Variants in RASIP1 observed in about 807,000 individuals in gnomAD.
The protein encoded by RASIP1 is Ras interacting protein 1.
RASIP1 carries 20 observed loss-of-function variants against 85.3 expected under a neutral mutation model. The observed-to-expected ratio is 0.23, with a 90% CI of 0.17 to 0.34. RASIP1 has a LOEUF of 0.34. Ranked by LOEUF, RASIP1 falls within the 10% of genes least tolerant of loss-of-function variation. The probability of loss-of-function intolerance (pLI) is 1.00; values close to 1 mark genes in which losing one functional copy is unlikely to be tolerated. For synonymous variants in RASIP1, 617 were observed against 647.1 expected (o/e 0.95, Z 0.71); for missense variants, 1,170 against 1,390.9 (o/e 0.84, Z 2.53).
At chr19:48,722,085 G>C (rs1462620967) in intron 10 of RASIP1, 84 bp from the exon 11 acceptor site, 1 of 1,281,382 alleles carries the variant, frequency 7.8e-7, no homozygotes, top group Non-Finnish European at 1.0e-6. Flanking sequence ...AAGGGGAGTG[G>C]GTGTGGTGGG....
At position 48,720,660 on chromosome 19, in the gene RASIP1, A is replaced by G. The variant is rs1459576025; in HGVS notation, c.*138T>C. On this transcript the variant is annotated 3_prime_UTR_variant, in exon 12 of 12. Coordinates refer to ENST00000222145, the MANE Select transcript of RASIP1 (RefSeq NM_017805.3). ...CCATGCTCCCACCGTCCCATCCGCTACTTCCCGAAAACTCAATCTCCCAAC... is the reference window on the plus strand; with the variant it reads ...CCATGCTCCCACCGTCCCATCCGCTGCTTCCCGAAAACTCAATCTCCCAAC... 7.5e-6 allele frequency: 7 copies of G among 938,966 alleles called. No individual in the cohort carries two copies. The highest frequency in any genetic ancestry group is 1.0e-5 in the Non-Finnish European group (6 of 600,760). The allele number at this position is 938,966 out of a possible 1,614,324, so 58.2% of individuals were successfully genotyped here. A position where few individuals can be genotyped will look rare whatever the true frequency, so the allele number is the denominator to read the frequency against.
chr19:48,740,402 C>G lies in RASIP1; in HGVS notation c.-4-116G>C. On this transcript the variant is annotated intron_variant, in intron 1 of 11. Coordinates refer to ENST00000222145, the MANE Select transcript of RASIP1 (RefSeq NM_017805.3). The surrounding 1 kb of genome is among the most constrained non-coding windows in gnomAD (Gnocchi z 5.5). ...GGGCTGGGGCTCAGACTTGCGAGTC[C>G]AGGGGGAGGAGAGGGATGGTACCCT... 7.0e-7 allele frequency: 1 copy of G among 1,429,732 alleles called. No individual in the cohort carries two copies. The highest frequency in any genetic ancestry group is 1.4e-5 in the South Asian group (1 of 72,972). 88.6% of individuals were successfully genotyped at this position (1,429,732 alleles called of 1,614,324 possible). A position where few individuals can be genotyped will look rare whatever the true frequency, so the allele number is the denominator to read the frequency against.
intron 8 of RASIP1, chr19:48,725,584 G>C (rs2033328760): frequency 6.6e-6 from 1 of 152,396 alleles, no homozygotes; most frequent in African/African-American, 2.4e-5. Flanking sequence ...AGGGTAATGG[G>C]GGGGAAACTG....
chr19:48,724,482 G>T lies in RASIP1; in HGVS notation c.2399C>A (p.Ser800Tyr). The stretch of plus-strand genomic sequence containing the variant: ...GTTGGTTCGGATTTGAACAGCTCGG[G>T]ACCATTGATAGAAAGGCCGGCCTTG... ...RGQGRPFYQW[S>Y]RAVQIRTNLD... Residue 800 changes from serine (S) to tyrosine (Y), a missense_variant, in exon 10 of 12, where the codon TCC (serine) becomes TAC (tyrosine). Around this residue, in one of 4 missense-constraint regions of RASIP1, gnomAD observed 426 missense variants for 576.2 expected, o/e 0.74. Coordinates refer to ENST00000222145, the MANE Select transcript of RASIP1 (RefSeq NM_017805.3). The surrounding 1 kb of genome is among the most constrained non-coding windows in gnomAD (Gnocchi z 4.6). The T allele has an allele frequency of 1.9e-6, 3 of 1,614,126 alleles. No individual in the cohort carries two copies. The highest frequency in any genetic ancestry group is 1.7e-6 in the Non-Finnish European group (2 of 1,180,008).
chr19:48,735,299 C>A lies in RASIP1; in HGVS notation c.1076G>T (p.Gly359Val). The A allele has an allele frequency of 1.9e-6, 3 of 1,614,002 alleles. No homozygotes were observed. Among genetic ancestry groups the A allele is most frequent in the Non-Finnish European group, 1.7e-6 (2 of 1,179,988 alleles). The change falls in exon 4 of 12, where the codon GGA (glycine) becomes GTA (valine). Residue 359 changes from glycine (G) to valine (V), a missense_variant. Physicochemically the swap from Gly to Val is moderately radical, Grantham distance 109 (BLOSUM62 -3). Around this residue, in one of 4 missense-constraint regions of RASIP1, gnomAD observed 301 missense variants for 294.8 expected, o/e 1.02. Transcript: ENST00000222145. Reference protein sequence around the residue: ...MAPGAADAQIGTADPGDFDQL... With the variant: ...MAPGAADAQIVTADPGDFDQL... ...ATCGAAGTCCCCGGGGTCTGCAGTT[C>A]CGATTTGGGCGTCGGCTGCCCCTGG... is the stretch of plus-strand genomic sequence containing the variant.
intron 11 of RASIP1, among the ~76,000 whole-genome samples, chr19:48,721,598 C>T (rs1255097249): frequency 6.6e-6 from 1 of 152,028 alleles, no homozygotes; most frequent in Non-Finnish European, 1.5e-5. Context: ...GTCAGGAGTT[C>T]GAGACCAGCC....
rs2033610648 is a variant in RASIP1, at chr19:48,738,510, C to T, written c.823+450G>A. 6.5e-6 allele frequency: 1 copy of T among 154,574 alleles called. No homozygotes were observed. Among genetic ancestry groups the T allele is most frequent in the South Asian group, 2.1e-4 (1 of 4,860 alleles). 9.6% of individuals were successfully genotyped at this position (154,574 alleles called of 1,614,324 possible). The stretch of plus-strand genomic sequence containing the variant: ...CCACACAGGGCGAATCCCTTAGGCC[C>T]CTGCGGACTCCTGCCCATTCCACTG... On this transcript the variant is annotated intron_variant, in intron 3 of 11. Coordinates refer to ENST00000222145, the MANE Select transcript of RASIP1 (RefSeq NM_017805.3). The surrounding 1 kb of genome is among the most constrained non-coding windows in gnomAD (Gnocchi z 4.0).
At chr19:48,737,262 G>A (rs2033590081) in intron 3 of RASIP1, among the ~76,000 whole-genome samples, 1 of 152,158 alleles carries the variant, frequency 6.6e-6, no homozygotes, top group Admixed American at 6.5e-5. Context: ...AACTGGCACA[G>A]AATGGGTTGG....
intron 8 of RASIP1, among the ~76,000 whole-genome samples, chr19:48,726,155 G>A (rs1263912102): frequency 6.6e-6 from 1 of 152,184 alleles, no homozygotes; most frequent in Non-Finnish European, 1.5e-5. Flanking sequence ...TCAAACTCCT[G>A]ACCTCGCGGT....
At chr19:48,734,766 C>A (rs928073946) in intron 4 of RASIP1, among the ~76,000 whole-genome samples, 1 of 152,088 alleles carries the variant, frequency 6.6e-6, no homozygotes, top group Non-Finnish European at 1.5e-5. Flanking sequence ...GGATAACAGG[C>A]GTGAGCCACT....
rs1275092364 is a variant in RASIP1 at position 48,735,512 on chromosome 19, G to A, written c.863C>T (p.Ser288Phe). 2 of 1,549,170 alleles carry A rather than the reference G, an allele frequency of 1.3e-6. No individual in the cohort carries two copies. The highest frequency in any genetic ancestry group is 1.4e-5 in the African/African-American group (1 of 73,126). Residue 288 changes from serine (S) to phenylalanine (F), a missense_variant, in exon 4 of 12, where the codon TCC becomes TTC. Around this residue, in one of 4 missense-constraint regions of RASIP1, gnomAD observed 301 missense variants for 294.8 expected, o/e 1.02. Coordinates refer to ENST00000222145, the MANE Select transcript of RASIP1 (RefSeq NM_017805.3). ...APSWRPQKNR[S>F]RAASGGAALA... is the part of the protein sequence containing the mutation. Reference sequence around the variant, plus strand: ...CGCTGCCCCACCCGACGCCGCCCGGGAGCGGTTCTTCTGTGGCCGCCACGA... The same window carrying A: ...CGCTGCCCCACCCGACGCCGCCCGGAAGCGGTTCTTCTGTGGCCGCCACGA...
Position 48,738,196 on chromosome 19 carries a change from C to T in RASIP1, c.823+764G>A, listed in dbSNP as rs535421588. Among the ~76,000 whole-genome samples, 1 of 152,358 alleles carries T rather than the reference C, an allele frequency of 6.6e-6. No individual in the cohort carries two copies. Among genetic ancestry groups the T allele is most frequent in the African/African-American group, 2.4e-5 (1 of 41,588 alleles). On this transcript the variant is annotated intron_variant, in intron 3 of 11. Transcript: ENST00000222145. This position sits in a 1 kb window ranked among gnomAD's most constrained non-coding sequence, Gnocchi z 4.0. ...CCAACCTCAGGTGATCCGCCCGCCTCAGCCTCTCAAAGTGCTGGGATTACA... is the reference window on the plus strand; with the variant it reads ...CCAACCTCAGGTGATCCGCCCGCCTTAGCCTCTCAAAGTGCTGGGATTACA...
chr19:48,739,218 G>A lies in RASIP1; in HGVS notation c.565C>T (p.Pro189Ser). 6.7e-7 allele frequency: 1 copy of A among 1,481,756 alleles called. No homozygotes were observed. Among genetic ancestry groups the A allele is most frequent in the Non-Finnish European group, 8.9e-7 (1 of 1,123,218 alleles). 91.8% of individuals were successfully genotyped at this position (1,481,756 alleles called of 1,614,324 possible). The change falls in exon 3 of 12, where the codon CCC becomes TCC. Residue 189 changes from proline to serine, a missense_variant. Pro to Ser is a moderately conservative substitution (Grantham distance 74). Transcript: ENST00000222145. This position sits in a 1 kb window ranked among gnomAD's most constrained non-coding sequence, Gnocchi z 9.2. ...ALERYGLAGS[P>S]GGGPGESSCV... Reference sequence around the variant, plus strand: ...CTGCTCTCGCCGGGGCCACCGCCGGGGCTGCCTGCTAGGCCGTAGCGCTCT... The same window carrying A: ...CTGCTCTCGCCGGGGCCACCGCCGGAGCTGCCTGCTAGGCCGTAGCGCTCT...
rs2033211590 is a variant in RASIP1 at position 48,720,745 on chromosome 19, T to C, written c.*53A>G. 3.8e-6 allele frequency: 6 copies of C among 1,568,016 alleles called. No homozygotes were observed. In the African/African-American group the frequency reaches 6.8e-5, roughly 18 times the overall value. Reference sequence around the variant, plus strand: ...AGCTTTGCGCTCAGGCGGGCTCCTGTCCGTAGAAGCCCGTGACATTTCAAG... The same window carrying C: ...AGCTTTGCGCTCAGGCGGGCTCCTGCCCGTAGAAGCCCGTGACATTTCAAG... On this transcript the variant is annotated 3_prime_UTR_variant, in exon 12 of 12. Transcript: ENST00000222145.
chr19:48,726,656 T>A (rs2033347858), intron 8 of RASIP1, 129 bp downstream of exon 8: 2 of 743,578 alleles, frequency 2.7e-6, no homozygotes, highest in Admixed American at 6.6e-5. Flanking sequence ...AAATCTTGAG[T>A]CAAATAGTGA....
rs2033397327 is a variant in RASIP1 at position 48,729,088 on chromosome 19, C to T, written c.1682G>A (p.Arg561His). Residue 561 changes from arginine to histidine, a missense_variant, in exon 5 of 12, where the codon CGC (arginine) becomes CAC (histidine). Coordinates refer to ENST00000222145, the MANE Select transcript of RASIP1 (RefSeq NM_017805.3). The stretch of plus-strand genomic sequence containing the variant: ...GTCTCCCGAGCCGGCGGCTGCGGCG[C>T]GCACGATCTCGCCCAGCAGCGCCTC... Reference protein sequence around the residue: ...EEEALLGEIVRAAAAGSGDLP... With the variant: ...EEEALLGEIVHAAAAGSGDLP... The T allele has an allele frequency of 7.3e-7, 1 of 1,374,716 alleles. No individual in the cohort carries two copies. Among genetic ancestry groups the T allele is most frequent in the Non-Finnish European group, 9.3e-7 (1 of 1,072,794 alleles). 85.2% of individuals were successfully genotyped at this position (1,374,716 alleles called of 1,614,324 possible).
At chr19:48,727,676 C>T (rs918245950) in intron 5 of RASIP1, among the ~76,000 whole-genome samples, 37 of 149,054 alleles carry the variant, frequency 2.5e-4, no homozygotes, top group Admixed American at 2.4e-3. Context: ...ACTCTTCATA[C>T]GGATTCTTTT....
rs1289086689 is a variant in RASIP1 at position 48,738,968 on chromosome 19, T to C, written c.815A>G (p.Asp272Gly). 9 of 1,200,026 alleles carry C rather than the reference T, an allele frequency of 7.5e-6. No homozygotes were observed. The highest frequency in any genetic ancestry group is 9.3e-6 in the Non-Finnish European group (9 of 970,958). 74.3% of individuals were successfully genotyped at this position (1,200,026 alleles called of 1,614,324 possible). ...CCCCGCCCGCCGCTCACCTTCGCTG[T>C]CCGCGGCCCCGAAGGCCTCCTGCTC... ...RLEQEAFGAA[D>G]SEGTGAPSWR... is the part of the protein sequence containing the mutation. The change falls in exon 3 of 12, where the codon GAC becomes GGC. Residue 272 changes from aspartate to glycine, a missense_variant. Coordinates refer to ENST00000222145, the MANE Select transcript of RASIP1 (RefSeq NM_017805.3). This position sits in a 1 kb window ranked among gnomAD's most constrained non-coding sequence, Gnocchi z 4.0.
Position 48,720,900 on chromosome 19 carries a change from C to G in RASIP1, c.2790G>C (p.Leu930Phe), listed in dbSNP as rs763487005. The G allele has an allele frequency of 1.2e-6, 2 of 1,613,938 alleles. No homozygotes were observed. The highest frequency in any genetic ancestry group is 1.7e-5 in the Admixed American group (1 of 60,022). ...RLTGPVTDDA[L>F]HRELRRLRRL... ...GGCGGAGCCTACGGAGTTCACGGTG[C>G]AAGGCATCGTCCGTCACTGGACCAG... The change falls in exon 12 of 12, where the codon TTG becomes TTC. Residue 930 changes from leucine (L) to phenylalanine (F), a missense_variant. By Grantham distance (22) the Leu-to-Phe change is conservative. Around this residue, in one of 4 missense-constraint regions of RASIP1, gnomAD observed 144 missense variants for 125.5 expected, o/e 1.15. Transcript: ENST00000222145.
Sources: gnomAD v4.1 joint callset for allele counts (sites outside exome capture counted in the v4.1 genomes callset) on GRCh38, gnomAD v4.1.1 for gene constraint, gnomAD v4.1.1 regional missense constraint, Gnocchi (gnomAD v3.1) non-coding constraint, MANE v1.5 for transcripts, NCBI Gene and HGNC (gene_info 2026-07-23, HGNC 2026-07-21) for gene names.